Variants in CEP152 observed in about 807,000 individuals in gnomAD.
CEP152 encodes the protein centrosomal protein 152, also known as centrosomal protein of 152 kDa.
A neutral mutation model predicts 188.9 loss-of-function variants in CEP152; 132 were observed. The observed-to-expected ratio is 0.70, with a 90% CI of 0.61 to 0.81. The LOEUF (loss-of-function observed/expected upper bound fraction) is 0.81, where lower values mean the gene tolerates loss of function less well. CEP152 is among the 30% of genes least tolerant of loss of function. CEP152 has a pLI of 0.00. For missense variants in CEP152, 1,914 were observed against 1,969.8 expected, an observed-to-expected ratio of 0.97 and a Z score of 0.54; for synonymous variants, 649 against 666.6, an observed-to-expected ratio of 0.97 and a Z score of 0.41.
chr15:48,778,740 G>C (rs1213330927), intron 12 of CEP152, among the ~76,000 whole-genome samples: 1 of 151,934 alleles, frequency 6.6e-6, no homozygotes, highest in Non-Finnish European at 1.5e-5. Flanking sequence ...ACCTGAAGTC[G>C]GGAGTTCAAG....
At chr15:48,758,289 C>T (rs917892390) in intron 19 of CEP152, among the ~76,000 whole-genome samples, 17 of 152,272 alleles carry the variant, frequency 1.1e-4, no homozygotes, top group Non-Finnish European at 2.2e-4. Flanking sequence ...TGGAACCGGC[C>T]CTTTCTGGAC....
intron 12 of CEP152, among the ~76,000 whole-genome samples, chr15:48,777,850 A>G (rs1273164280): frequency 6.6e-6 from 1 of 152,082 alleles, no homozygotes; most frequent in Non-Finnish European, 1.5e-5. Context: ...CACATCCTGT[A>G]CTCCTAGAGG....
rs537168507 is a variant in CEP152 at position 48,755,924 on chromosome 15, G to A, written c.3324C>T (p.Asn1108=). The change falls in exon 20 of 27, where the codon AAC becomes AAT. Residue 1108 remains asparagine, a synonymous_variant. Coordinates refer to ENST00000380950, the MANE Select transcript of CEP152 (RefSeq NM_001194998.2). The stretch of plus-strand genomic sequence containing the variant: ...ATACCTTTTTCCATTCTGGGTCAGC[G>A]TTTTCTACAAGCAGAGGAAGTGTAT... ...FQDTLPLLVE[N]ADPEWKKRNM... The A allele has an allele frequency of 1.7e-5, 27 of 1,613,872 alleles. No individual in the cohort carries two copies. Among genetic ancestry groups the A allele is most frequent in the East Asian group, 4.5e-5 (2 of 44,880 alleles).
At chr15:48,806,098 G>C (rs922753981) in intron 1 of CEP152, among the ~76,000 whole-genome samples, 1 of 151,910 alleles carries the variant, frequency 6.6e-6, no homozygotes, top group Admixed American at 6.5e-5. Flanking sequence ...TGCTTTACAA[G>C]AAGAAGGCCC....
At chr15:48,794,046 G>T (rs1199739999) in intron 6 of CEP152, among the ~76,000 whole-genome samples, 1 of 152,022 alleles carries the variant, frequency 6.6e-6, no homozygotes, top group Non-Finnish European at 1.5e-5. Flanking sequence ...AAGAATTTTG[G>T]GGAGGGAGCA....
chr15:48,752,264 T>G, intron 21 of CEP152, 85 bp downstream of exon 21: 2 of 1,609,716 alleles, frequency 1.2e-6, no homozygotes, highest in Non-Finnish European at 1.7e-6. Flanking sequence ...TGTTCACATC[T>G]ATGATCTCCT....
At chr15:48,797,199 C>T (rs2140905776) in intron 5 of CEP152, 102 bp downstream of exon 5, 1 of 1,352,612 alleles carries the variant, frequency 7.4e-7, no homozygotes, top group Non-Finnish European at 1.1e-6. Context: ...GTGGTTAAAT[C>T]ATCTTACCAT....
At chr15:48,791,879 A>C (rs935932433) in intron 7 of CEP152, among the ~76,000 whole-genome samples, 1 of 152,026 alleles carries the variant, frequency 6.6e-6, no homozygotes, top group African/African-American at 2.4e-5. Context: ...TACCAAAAAA[A>C]TTTTTTTAGA....
At position 48,738,472 on chromosome 15, in the gene CEP152, G is replaced by A. The variant is rs866569292; in HGVS notation, c.4910C>T (p.Thr1637Ile). The A allele has an allele frequency of 4.3e-6, 7 of 1,614,220 alleles. No homozygotes were observed. The highest frequency in any genetic ancestry group is 1.6e-4 in the Middle Eastern group (1 of 6,062). The change falls in exon 27 of 27, where the codon ACT becomes ATT. Residue 1637 changes from threonine (T) to isoleucine (I), a missense_variant. Physicochemically the swap from Thr to Ile is moderately conservative, Grantham distance 89. Transcript: ENST00000380950. Reference sequence around the variant, plus strand: ...CGTGGTTTCTTCTGACAGGTATGGAGTTTGATAACGCTGACATTTCATTGT... The same window carrying A: ...CGTGGTTTCTTCTGACAGGTATGGAATTTGATAACGCTGACATTTCATTGT... ...CQTMKCQRYQ[T>I]PYLSEETTYL...
intron 24 of CEP152, 126 bp from the exon 25 acceptor site, chr15:48,742,226 T>C (rs1893031921): frequency 1.2e-6 from 1 of 861,384 alleles, no homozygotes; most frequent in Non-Finnish European, 1.9e-6. Flanking sequence ...TTAAACATTA[T>C]ACTTTCCACA....
intron 13 of CEP152, among the ~76,000 whole-genome samples, chr15:48,771,985 C>CTA (rs1212154644): frequency 1.3e-5 from 2 of 152,180 alleles, no homozygotes; most frequent in Non-Finnish European, 2.9e-5. Context: ...ACTGTAAAGT[C>CTA]TAAAAATTGT....
chr15:48,760,185 C>A lies in CEP152; in HGVS notation c.2644G>T (p.Ala882Ser). The change falls in exon 19 of 27, where the codon GCA (alanine) becomes TCA (serine). Residue 882 changes from alanine to serine, a missense_variant. By Grantham distance (99) the Ala-to-Ser change is moderately conservative (BLOSUM62 1). Transcript: ENST00000380950. The stretch of plus-strand genomic sequence containing the variant: ...TGTTCTTCCCACTTTTTCTGTTCTG[C>A]CTTCACAAGTGCTTGATACTCTGCC... ...ELAEYQALVK[A>S]EQKKWEEQHE... 2.5e-6 allele frequency: 4 copies of A among 1,614,066 alleles called. No homozygotes were observed. The highest frequency in any genetic ancestry group is 3.4e-6 in the Non-Finnish European group (4 of 1,179,972).
downstream of CEP152, chr15:48,737,888 C>A: frequency 5.7e-6 from 1 of 175,424 alleles, no homozygotes; most frequent in Non-Finnish European, 1.2e-5. Flanking sequence ...AAACATGATG[C>A]CAATATGACA....
chr15:48,805,296 A>G (rs1897905186), intron 2 of CEP152, among the ~76,000 whole-genome samples: 1 of 152,222 alleles, frequency 6.6e-6, no homozygotes, highest in South Asian at 2.1e-4. Flanking sequence ...TCCAAAGCCA[A>G]CCATTACCTC....
chr15:48,765,898 C>A (rs887015244), intron 17 of CEP152, among the ~76,000 whole-genome samples: 2 of 151,908 alleles, frequency 1.3e-5, no homozygotes, highest in African/African-American at 2.4e-5. Flanking sequence ...GTGATCCGCC[C>A]GTCTCGGCCT....
chr15:48,741,556 A>G (rs200782328), intron 26 of CEP152, 45 bp downstream of exon 26: 1 of 1,613,744 alleles, frequency 6.2e-7, no homozygotes, highest in African/African-American at 1.3e-5. Flanking sequence ...AAATAGCTAA[A>G]GAAGAAAAGA....
At chr15:48,778,821 T>C (rs372967261) in intron 12 of CEP152, among the ~76,000 whole-genome samples, 6 of 152,046 alleles carry the variant, frequency 3.9e-5, no homozygotes, top group African/African-American at 1.4e-4. Context: ...TGGTGGCACA[T>C]GCCTGTATTC....
chr15:48,804,580 A>G (rs1897865000), intron 2 of CEP152, among the ~76,000 whole-genome samples: 1 of 152,242 alleles, frequency 6.6e-6, no homozygotes, highest in East Asian at 1.9e-4. Flanking sequence ...TTCCACCAAT[A>G]ACACTATTAC....
chr15:48,735,331 CA>C (rs1208406340), downstream of CEP152, among the ~76,000 whole-genome samples: 1 of 152,156 alleles, frequency 6.6e-6, no homozygotes, highest in African/African-American at 2.4e-5. Context: ...TACAACATAT[CA>C]AAACATATGA....
Sources: gnomAD v4.1 joint callset for allele counts (sites outside exome capture counted in the v4.1 genomes callset) on GRCh38, gnomAD v4.1.1 for gene constraint, MANE v1.5 for transcripts, NCBI Gene and HGNC (gene_info 2026-07-23, HGNC 2026-07-21) for gene names.